SP140L: variants seen among roughly 807,000 people sequenced by gnomAD.
SP140L encodes SP140 like nuclear body protein, also known as nuclear body protein SP140-like protein.
A neutral mutation model predicts 84.3 loss-of-function variants in SP140L; 64 were observed. That is an observed-to-expected ratio of 0.76 (90% confidence interval 0.62 to 0.94). The LOEUF (loss-of-function observed/expected upper bound fraction) is 0.94, where lower values mean the gene tolerates loss of function less well. Among genes scored for constraint, SP140L ranks in the 40% least tolerant of loss-of-function variants. The probability of loss-of-function intolerance (pLI) is 0.00; values close to 1 mark genes in which losing one functional copy is unlikely to be tolerated. For missense variants in SP140L, 628 were observed against 692.5 expected (o/e 0.91, Z 1.05); for synonymous variants, 242 against 236.9 (o/e 1.02, Z -0.20).
At chr2:230,367,314 A>ATTTGTT in intron 5 of SP140L, among the ~76,000 whole-genome samples, 1 of 92,764 alleles carries the variant, frequency 1.1e-5, no homozygotes. Context: ...TTTTTTTGAG[A>ATTTGTT]CAGAGTCTCA....
At chr2:230,400,034 C>G (rs1263325349) in intron 14 of SP140L, 93 bp from the exon 15 acceptor site, 1 of 1,321,374 alleles carries the variant, frequency 7.6e-7, no homozygotes, top group Non-Finnish European at 1.1e-6. Flanking sequence ...TCTATACAGG[C>G]TCACACATAA....
chr2:230,358,489 A>G (rs1273947277), intron 3 of SP140L, among the ~76,000 whole-genome samples: 2 of 152,184 alleles, frequency 1.3e-5, no homozygotes, highest in Non-Finnish European at 2.9e-5. Flanking sequence ...GAGATACAGA[A>G]CAGCGAGTCA....
At chr2:230,397,921 G>A (rs2062124418) in intron 14 of SP140L, among the ~76,000 whole-genome samples, 1 of 152,040 alleles carries the variant, frequency 6.6e-6, no homozygotes, top group South Asian at 2.1e-4. Context: ...GATGTCTGTG[G>A]GAAAAAGAGG....
At chr2:230,365,528 T>C (rs1163462671) in intron 5 of SP140L, among the ~76,000 whole-genome samples, 1 of 151,630 alleles carries the variant, frequency 6.6e-6, no homozygotes, top group Non-Finnish European at 1.5e-5. Context: ...AGTCTTTTCT[T>C]TTTTTTTAGT....
At chr2:230,344,987 T>C (rs1313417108) in intron 2 of SP140L, among the ~76,000 whole-genome samples, 2 of 152,214 alleles carry the variant, frequency 1.3e-5, no homozygotes, top group East Asian at 1.9e-4. Context: ...TGCTGTTCAG[T>C]GAAATGTTCT....
chr2:230,362,444 A>T (rs2060747378), intron 5 of SP140L, among the ~76,000 whole-genome samples: 1 of 152,126 alleles, frequency 6.6e-6, no homozygotes, highest in Admixed American at 6.5e-5. Flanking sequence ...CAAGAGCAGG[A>T]ATATTCAAAG....
chr2:230,389,320 G>A (rs532859714), intron 10 of SP140L, among the ~76,000 whole-genome samples: 3 of 151,998 alleles, frequency 2.0e-5, no homozygotes, highest in Non-Finnish European at 2.9e-5. Context: ...TGTAGTATCC[G>A]GTTCTCAGTT....
Position 230,392,244 on chromosome 2 carries a change from A to G in SP140L, c.1107+15A>G. 6.2e-7 allele frequency: 1 copy of G among 1,613,452 alleles called. No individual in the cohort carries two copies. The highest frequency in any genetic ancestry group is 8.5e-7 in the Non-Finnish European group (1 of 1,179,814). The stretch of plus-strand genomic sequence containing the variant: ...GGCTGATGGAGGTATTCCAATGACA[A>G]GAGGCCAGACCTGTGCCCATTCTTC... On this transcript the variant is annotated intron_variant, in intron 12 of 18. Coordinates refer to ENST00000415673, the MANE Select transcript of SP140L (RefSeq NM_138402.6).
At chr2:230,354,884 A>G (rs2060485983) in intron 2 of SP140L, among the ~76,000 whole-genome samples, 1 of 149,890 alleles carries the variant, frequency 6.7e-6, no homozygotes. Context: ...AAAGAAAGAA[A>G]GAAAGAAAGA....
chr2:230,399,113 G>A (rs1484154334), intron 14 of SP140L, among the ~76,000 whole-genome samples: 1 of 152,172 alleles, frequency 6.6e-6, no homozygotes, highest in Non-Finnish European at 1.5e-5. Context: ...ACGGCAAAGG[G>A]CTCTGTCACA....
intron 5 of SP140L, among the ~76,000 whole-genome samples, chr2:230,366,683 T>C (rs187506442): frequency 7.2e-6 from 1 of 138,374 alleles, no homozygotes; most frequent in Non-Finnish European, 1.5e-5. Context: ...TTGTTCATTG[T>C]TTTCTGGTTG....
intron 14 of SP140L, among the ~76,000 whole-genome samples, chr2:230,397,363 A>G (rs1288627082): frequency 6.6e-6 from 1 of 152,186 alleles, no homozygotes; most frequent in Non-Finnish European, 1.5e-5. Flanking sequence ...CAGAGCCCCT[A>G]TCACCAGTCT....
intron 2 of SP140L, among the ~76,000 whole-genome samples, chr2:230,346,049 T>A (rs1462955242): frequency 6.6e-6 from 1 of 152,204 alleles, no homozygotes; most frequent in Non-Finnish European, 1.5e-5. Context: ...ACTTTAGCAG[T>A]TCTTGTAAGA....
chr2:230,372,566 A>G (rs998917134), intron 7 of SP140L: 1 of 151,970 alleles, frequency 6.6e-6, no homozygotes, highest in African/African-American at 2.4e-5. Flanking sequence ...TCTACTAAAA[A>G]TACAAAAAAT....
chr2:230,337,505 C>T (rs1164823612), intron 2 of SP140L, among the ~76,000 whole-genome samples: 1 of 150,886 alleles, frequency 6.6e-6, no homozygotes, highest in Non-Finnish European at 1.5e-5. Flanking sequence ...TTAATTAGAT[C>T]CCATTTGTCA....
rs2062421415 is a variant in SP140L at position 230,402,932 on chromosome 2, T to C, written c.*36T>C. ...GGATGCTGAAGGCCTTCAGGAAATA[T>C]GCTACTGGTTGCCACTGACTTCAAA... On this transcript the variant is annotated 3_prime_UTR_variant, in exon 19 of 19. Coordinates refer to ENST00000415673, the MANE Select transcript of SP140L (RefSeq NM_138402.6). 6.5e-7 allele frequency: 1 copy of C among 1,544,940 alleles called. No homozygotes were observed. Among genetic ancestry groups the C allele is most frequent in the Non-Finnish European group, 8.8e-7 (1 of 1,133,292 alleles).
intron 14 of SP140L, among the ~76,000 whole-genome samples, chr2:230,398,655 GA>G (rs1336476826): frequency 2.0e-5 from 3 of 152,260 alleles, no homozygotes; most frequent in Non-Finnish European, 4.4e-5. Flanking sequence ...TGGGGAACCT[GA>G]AAATCCAGAT....
intron 9 of SP140L, among the ~76,000 whole-genome samples, chr2:230,386,228 T>C (rs6728027): frequency 0.44 from 66,558 of 151,986 alleles, 14,875 homozygotes; most frequent in South Asian, 0.53. Context: ...AGGATGCGGG[T>C]GCTTGGAACT....
At chr2:230,346,092 TG>T (rs1475529452) in intron 2 of SP140L, among the ~76,000 whole-genome samples, 7 of 152,208 alleles carry the variant, frequency 4.6e-5, no homozygotes, top group South Asian at 2.1e-4. Flanking sequence ...CTTCAACTTT[TG>T]TTTTTTTGGA....
Sources: allele counts gnomAD v4.1 joint callset (sites outside exome capture counted in the v4.1 genomes callset), GRCh38; gene constraint gnomAD v4.1.1; transcripts MANE v1.5; gene names NCBI Gene and HGNC (gene_info 2026-07-23, HGNC 2026-07-21).